SH3YL1: variants seen among roughly 807,000 people sequenced by gnomAD.
SH3YL1 encodes the protein SH3 domain-containing YSC84-like protein 1.
SH3YL1 carries 41 observed loss-of-function variants against 45.8 expected under a neutral mutation model. The observed-to-expected ratio is 0.89, with a 90% CI of 0.70 to 1.16. SH3YL1 has a LOEUF of 1.16. SH3YL1 is among the 50% of genes most tolerant of loss of function. SH3YL1 has a pLI of 0.00. For missense variants in SH3YL1, 389 were observed against 409.6 expected (o/e 0.95, Z 0.43); for synonymous variants, 152 against 151.4 (o/e 1.00, Z -0.03).
chr2:245,041 T>C (rs1443807243), intron 4 of SH3YL1, among the ~76,000 whole-genome samples: 1 of 152,208 alleles, frequency 6.6e-6, no homozygotes, highest in Non-Finnish European at 1.5e-5. Context: ...GCTCCCGTTC[T>C]GACTCCCTCC....
intron 4 of SH3YL1, among the ~76,000 whole-genome samples, chr2:247,268 G>A (rs1430982307): frequency 6.6e-6 from 1 of 152,176 alleles, no homozygotes; most frequent in Non-Finnish European, 1.5e-5. Flanking sequence ...GCCAGGTGTT[G>A]GGATGTGCCT....
chr2:228,679 A>C (rs940657741), intron 8 of SH3YL1, among the ~76,000 whole-genome samples: 2 of 152,208 alleles, frequency 1.3e-5, no homozygotes, highest in African/African-American at 4.8e-5. Flanking sequence ...TCTGAACATG[A>C]ATCAGCAGTG....
Position 253,073 on chromosome 2 carries a change from T to TC in SH3YL1, c.43_44insG (p.Lys15ArgfsTer19), listed in dbSNP as rs1199349907. ...GAATTCTCTTAATATTTTGGCAGCCTTTTTTGCTTCTGATTTCAAATTGGA... is the reference window on the plus strand; with the variant it reads ...GAATTCTCTTAATATTTTGGCAGCCTCTTTTTGCTTCTGATTTCAAATTGGA... On this transcript the variant is annotated frameshift_variant, in exon 2 of 10. Transcript: ENST00000356150. LOFTEE classifies it high-confidence loss of function. 6.5e-7 allele frequency: 1 copy of TC among 1,548,368 alleles called. No individual in the cohort carries two copies. The highest frequency in any genetic ancestry group is 2.0e-5 in the Admixed American group (1 of 50,938).
At chr2:263,916 C>T in intron 1 of SH3YL1, 68 bp downstream of exon 1, 1 of 1,358,696 alleles carries the variant, frequency 7.4e-7, no homozygotes, top group Non-Finnish European at 1.0e-6. Flanking sequence ...CCGTCCTCCT[C>T]CTCCCACCAC....
Position 229,995 on chromosome 2 carries a change from G to A in SH3YL1, c.752C>T (p.Ala251Val). 3 of 1,612,774 alleles carry A rather than the reference G, an allele frequency of 1.9e-6. No homozygotes were observed. The highest frequency in any genetic ancestry group is 1.3e-5 in the African/African-American group (1 of 75,038). Residue 251 changes from alanine (A) to valine (V), a missense_variant, in exon 8 of 10, where the codon GCA (alanine) becomes GTA (valine). Ala to Val is a moderately conservative substitution (Grantham distance 64). Coordinates refer to ENST00000356150, the MANE Select transcript of SH3YL1 (RefSeq NM_015677.4). ...AGAGCCAGAGTTCAGCTGGACTGGT[G>A]CAGATGACTGCTGTGGTCTTGACAA... ...KPLSRPQQSS[A>V]PVQLNSGSQS...
intron 1 of SH3YL1, among the ~76,000 whole-genome samples, chr2:256,974 CTAA>C (rs1228857570): frequency 6.6e-6 from 1 of 152,186 alleles, no homozygotes; most frequent in African/African-American, 2.4e-5. Flanking sequence ...TCTCAGATGA[CTAA>C]TGATGTTGAA....
At chr2:239,961 G>C (rs1239584199) in intron 4 of SH3YL1, 1 of 152,238 alleles carries the variant, frequency 6.6e-6, no homozygotes, top group African/African-American at 2.4e-5. Context: ...CTTGGGGAAG[G>C]GGGTTTGCAA....
rs774606300 is a variant in SH3YL1, at chr2:249,795, T to A, written c.162A>T (p.Lys54Asn). The change falls in exon 3 of 10, where the codon AAA (lysine) becomes AAT (asparagine). Residue 54 changes from lysine to asparagine, a missense_variant. Transcript: ENST00000356150. The part of the protein sequence containing the change: ...AKGLAILSVI[K>N]AGFLVTARGG... The stretch of plus-strand genomic sequence containing the variant: ...CTCTGGCAGTCACCAGGAACCCGGC[T>A]TTGATCACAGACAGAATTGCAAGGC... The A allele has an allele frequency of 4.5e-6, 7 of 1,551,930 alleles. No homozygotes were observed. The highest frequency in any genetic ancestry group is 1.4e-5 in the African/African-American group (1 of 73,064).
intron 4 of SH3YL1, among the ~76,000 whole-genome samples, chr2:245,574 G>A (rs1314108911): frequency 2.0e-5 from 3 of 152,198 alleles, no homozygotes; most frequent in Non-Finnish European, 2.9e-5. Context: ...AGAAGCTGAG[G>A]TGTGGAGAAG....
intron 4 of SH3YL1, among the ~76,000 whole-genome samples, chr2:237,629 G>A (rs1396451240): frequency 6.6e-6 from 1 of 152,022 alleles, no homozygotes; most frequent in Non-Finnish European, 1.5e-5. Context: ...AGATCAGTAG[G>A]GTGAGTATGG....
At chr2:264,069 C>T (rs1669731704), upstream of SH3YL1, 1 of 1,347,878 alleles carries the variant, frequency 7.4e-7, no homozygotes, top group East Asian at 3.1e-5. Context: ...CAAGGAGGCC[C>T]CAGCGAGGGC....
intron 4 of SH3YL1, among the ~76,000 whole-genome samples, chr2:234,560 T>C (rs1668201931): frequency 6.6e-6 from 1 of 152,200 alleles, no homozygotes; most frequent in African/African-American, 2.4e-5. Flanking sequence ...CCTGGTCATG[T>C]AGGTGGTGAT....
At chr2:251,551 C>G (rs1302944485) in intron 2 of SH3YL1, among the ~76,000 whole-genome samples, 1 of 152,110 alleles carries the variant, frequency 6.6e-6, no homozygotes, top group Non-Finnish European at 1.5e-5. Flanking sequence ...CTTCAGAATA[C>G]TGATACTGAA....
chr2:254,541 G>A (rs547990625), intron 1 of SH3YL1, among the ~76,000 whole-genome samples: 5 of 152,216 alleles, frequency 3.3e-5, no homozygotes, highest in East Asian at 3.9e-4. Flanking sequence ...CCACTGTTTC[G>A]CCTCAGTAAT....
rs747876372 is a variant in SH3YL1, at chr2:218,982, T to C, written c.858A>G (p.Ile286Met). The C allele has an allele frequency of 2.1e-5, 34 of 1,608,664 alleles. No individual in the cohort carries two copies. The highest frequency in any genetic ancestry group is 2.5e-5 in the Non-Finnish European group (30 of 1,178,026). Residue 286 changes from isoleucine (I) to methionine (M), a missense_variant, in exon 10 of 10, where the codon ATA becomes ATG. Coordinates refer to ENST00000356150, the MANE Select transcript of SH3YL1 (RefSeq NM_015677.4). ...CAAATGAATACAGCGCTGTCACTTC[T>C]ATGGGTTGATTCAAATTGCCTGAAA... The part of the protein sequence containing the change: ...HERVGNLNQP[I>M]EVTALYSFEG...
intron 4 of SH3YL1, among the ~76,000 whole-genome samples, chr2:246,065 C>A (rs898345821): frequency 3.3e-5 from 5 of 151,666 alleles, no homozygotes; most frequent in Non-Finnish European, 5.9e-5. Context: ...TGTGGTGGTG[C>A]ACGCCTGTAG....
chr2:241,976 CCAGTA>C (rs1402807191), intron 4 of SH3YL1: 2 of 151,988 alleles, frequency 1.3e-5, no homozygotes, highest in African/African-American at 2.4e-5. Flanking sequence ...TAAAAAATCA[CCAGTA>C]AAGATAATTA....
chr2:244,186 T>C (rs1443310437), intron 4 of SH3YL1, among the ~76,000 whole-genome samples: 1 of 146,568 alleles, frequency 6.8e-6, no homozygotes, highest in Non-Finnish European at 1.5e-5. Flanking sequence ...CATAATAGCA[T>C]GTGTACAAGT....
intron 4 of SH3YL1, among the ~76,000 whole-genome samples, chr2:242,388 G>GA (rs1156886035): frequency 6.6e-6 from 1 of 151,144 alleles, no homozygotes; most frequent in African/African-American, 2.4e-5. Context: ...CAAAAAAGGA[G>GA]AAAAAAAACT....
Sources: gnomAD v4.1 joint callset for allele counts (sites outside exome capture counted in the v4.1 genomes callset) on GRCh38, gnomAD v4.1.1 for gene constraint, MANE v1.5 for transcripts, NCBI Gene and HGNC (gene_info 2026-07-23, HGNC 2026-07-21) for gene names.